Variants in DNER observed in about 807,000 individuals in gnomAD.
DNER encodes the protein delta and Notch-like epidermal growth factor-related receptor.
DNER carries 33 observed loss-of-function variants against 78.2 expected under a neutral mutation model. The observed-to-expected ratio is 0.42, with a 90% CI of 0.32 to 0.56. DNER has a LOEUF of 0.56. DNER is among the 20% of genes least tolerant of loss of function. DNER has a pLI of 0.11. For missense variants in DNER, 918 were observed against 975.3 expected, an observed-to-expected ratio of 0.94 and a Z score of 0.78; for synonymous variants, 417 against 384.8, an observed-to-expected ratio of 1.08 and a Z score of -0.98.
chr2:229,367,058 G>C lies in DNER; in HGVS notation c.1917C>G (p.Leu639=). 2 of 1,614,138 alleles carry C rather than the reference G, an allele frequency of 1.2e-6. No individual in the cohort carries two copies. Among genetic ancestry groups the C allele is most frequent in the Non-Finnish European group, 1.7e-6 (2 of 1,180,002 alleles). ...CGCAGAGGGCTCCAATGATGATGTA[G>C]AGGGAGTGCCGTGGCATGTTGGTGA... The part of the protein sequence containing the change: ...ESLTNMPRHS[L]YIIIGALCVA... The change falls in exon 12 of 13, where the codon CTC becomes CTG. Residue 639 remains leucine (L), a synonymous_variant. Coordinates refer to ENST00000341772, the MANE Select transcript of DNER (RefSeq NM_139072.4).
At chr2:229,672,050 T>A (rs1416315224) in intron 1 of DNER, among the ~76,000 whole-genome samples, 1 of 152,236 alleles carries the variant, frequency 6.6e-6, no homozygotes, top group East Asian at 1.9e-4. Flanking sequence ...GTCTTTCTGT[T>A]ATTTTGCTGT....
intron 1 of DNER, among the ~76,000 whole-genome samples, chr2:229,637,346 A>G (rs1300600668): frequency 6.6e-6 from 1 of 152,208 alleles, no homozygotes; most frequent in Non-Finnish European, 1.5e-5. Flanking sequence ...AATATGCTTT[A>G]GTCTTTACTC....
intron 8 of DNER, among the ~76,000 whole-genome samples, chr2:229,428,161 G>C (rs982386890): frequency 1.1e-4 from 16 of 151,674 alleles, no homozygotes; most frequent in Non-Finnish European, 1.8e-4. Flanking sequence ...TGTGGGTGGT[G>C]GGGGGATACA....
chr2:229,506,195 G>GA (rs1695742673), intron 6 of DNER, among the ~76,000 whole-genome samples: 3 of 151,668 alleles, frequency 2.0e-5, no homozygotes, highest in East Asian at 3.9e-4. Flanking sequence ...AGGGCTGGGG[G>GA]GCCTCAAGAA....
intron 7 of DNER, among the ~76,000 whole-genome samples, chr2:229,461,665 A>G (rs1227038458): frequency 6.6e-6 from 1 of 152,140 alleles, no homozygotes. Context: ...ACAGAGGAAT[A>G]ATATACAGTC....
chr2:229,507,437 G>A (rs34916899), intron 6 of DNER, among the ~76,000 whole-genome samples: 110,048 of 152,116 alleles, frequency 0.72, 40,728 homozygotes, highest in African/African-American at 0.89. Context: ...GAGACATTAA[G>A]TCACCTTAGA....
At chr2:229,553,117 A>G (rs750671393) in intron 4 of DNER, among the ~76,000 whole-genome samples, 4 of 152,202 alleles carry the variant, frequency 2.6e-5, no homozygotes, top group Non-Finnish European at 4.4e-5. Context: ...AGGGCAAAAA[A>G]TAAAGCAAGC....
chr2:229,594,582 A>C (rs1574918594), intron 1 of DNER, among the ~76,000 whole-genome samples: 1 of 36,362 alleles, frequency 2.8e-5, no homozygotes, highest in Admixed American at 3.7e-4. Context: ...ACAAGACTCC[A>C]TCTCAAAAAA....
rs576010447 is a variant in DNER, at chr2:229,672,073, G to A, written c.276+42075C>T. Among the ~76,000 whole-genome samples the A allele has an allele frequency of 9.2e-5, 14 of 152,256 alleles. No homozygotes were observed. In the East Asian group the frequency reaches 1.5e-3, roughly 17 times the overall value. On this transcript the variant is annotated intron_variant, in intron 1 of 12. Coordinates refer to ENST00000341772, the MANE Select transcript of DNER (RefSeq NM_139072.4). ...GTTATTTTGCTGTGTAACAAACTGCGTCAAAACTCAAGAGGTTTAAGACAA... is the reference window on the plus strand; with the variant it reads ...GTTATTTTGCTGTGTAACAAACTGCATCAAAACTCAAGAGGTTTAAGACAA...
In DNER at chr2:229,482,440, C is replaced by G. The variant is rs1446278044; in HGVS notation, c.1148-5187G>C. On this transcript the variant is annotated intron_variant, in intron 6 of 12. Coordinates refer to ENST00000341772, the MANE Select transcript of DNER (RefSeq NM_139072.4). ...AAAGGTTTGGAATAAAACCCAAACA[C>G]TTTACCCAGGGGCTAAAAGATACCG... 2.6e-5 allele frequency among the ~76,000 whole-genome samples: 4 copies of G among 152,218 alleles called. No individual in the cohort carries two copies. In the East Asian group the frequency reaches 7.7e-4, roughly 29 times the overall value.
intron 6 of DNER, among the ~76,000 whole-genome samples, chr2:229,482,209 C>T (rs1015701459): frequency 1.3e-5 from 2 of 152,238 alleles, no homozygotes; most frequent in African/African-American, 4.8e-5. Context: ...GTTATTGTCA[C>T]AACCACATAA....
intron 6 of DNER, among the ~76,000 whole-genome samples, chr2:229,499,935 T>TTTTTTTA (rs1695582329): frequency 8.3e-6 from 1 of 120,044 alleles, no homozygotes; most frequent in Non-Finnish European, 2.0e-5. Context: ...TTCTTTCTTT[T>TTTTTTTA]TTTTTTTTTT....
intron 6 of DNER, among the ~76,000 whole-genome samples, chr2:229,511,730 T>C (rs940931922): frequency 1.2e-4 from 18 of 152,218 alleles, no homozygotes; most frequent in African/African-American, 4.3e-4. Flanking sequence ...CAGTACATAC[T>C]TGTGGAATTG....
At chr2:229,465,559 A>C (rs1694786501) in intron 7 of DNER, among the ~76,000 whole-genome samples, 1 of 152,174 alleles carries the variant, frequency 6.6e-6, no homozygotes, top group African/African-American at 2.4e-5. Flanking sequence ...CACATCCTAC[A>C]CATGTATCCT....
intron 1 of DNER, among the ~76,000 whole-genome samples, chr2:229,656,218 A>T (rs1243888375): frequency 6.6e-6 from 1 of 152,204 alleles, no homozygotes; most frequent in Non-Finnish European, 1.5e-5. Flanking sequence ...CTGCAGTCTC[A>T]TGGGAAACAG....
intron 11 of DNER, among the ~76,000 whole-genome samples, chr2:229,374,166 G>GA (rs896461643): frequency 2.6e-4 from 38 of 147,846 alleles, no homozygotes; most frequent in African/African-American, 7.2e-4. Context: ...TCTTAAAAAA[G>GA]AAAAAAAAAT....
chr2:229,681,037 A>G (rs1405105816), intron 1 of DNER, among the ~76,000 whole-genome samples: 3 of 152,222 alleles, frequency 2.0e-5, no homozygotes. Flanking sequence ...TCTCCAAAGG[A>G]GAGGCATATA....
chr2:229,436,269 A>T (rs949406075), intron 8 of DNER, among the ~76,000 whole-genome samples: 2 of 152,190 alleles, frequency 1.3e-5, no homozygotes, highest in African/African-American at 4.8e-5. Context: ...GTTACTGCAA[A>T]AGACATGATC....
At chr2:229,593,577 G>C (rs1455469372) in intron 1 of DNER, among the ~76,000 whole-genome samples, 1 of 152,202 alleles carries the variant, frequency 6.6e-6, no homozygotes, top group Non-Finnish European at 1.5e-5. Context: ...AACACAGACT[G>C]TATGATGGGA....
Sources: allele counts gnomAD v4.1 joint callset (sites outside exome capture counted in the v4.1 genomes callset), GRCh38; gene constraint gnomAD v4.1.1; transcripts MANE v1.5; gene names NCBI Gene and HGNC (gene_info 2026-07-23, HGNC 2026-07-21).